The following ERICH3 variants were observed in gnomAD, a reference collection of about 807,000 sequenced individuals.
ERICH3 encodes glutamate-rich protein 3.
In ERICH3, 126 loss-of-function variants were observed where a neutral mutation model predicts 131.1. The observed-to-expected ratio is 0.96, with a 90% CI of 0.83 to 1.11. ERICH3 has a LOEUF of 1.11. ERICH3 is among the 50% of genes most tolerant of loss of function. ERICH3 has a pLI of 0.00. For synonymous variants in ERICH3, 695 were observed against 644.6 expected (o/e 1.08, Z -1.18); for missense variants, 2,050 against 1,810.7 (o/e 1.13, Z -2.40).
chr1:74,606,781 A>T lies in ERICH3; in HGVS notation c.1309T>A (p.Tyr437Asn). ...AEGKVRKERE[Y>N]VIPKRNEIKE... is the part of the protein sequence containing the mutation. ...ATCTCATTTCTTTTTGGTATCACATACTCTCTCTCTTTCCTCACTTTCCCC... is the reference window on the plus strand; with the variant it reads ...ATCTCATTTCTTTTTGGTATCACATTCTCTCTCTCTTTCCTCACTTTCCCC... Residue 437 changes from tyrosine to asparagine, a missense_variant, in exon 10 of 15, where the codon TAT (tyrosine) becomes AAT (asparagine). Physicochemically the swap from Tyr to Asn is moderately radical, Grantham distance 143 (BLOSUM62 -2). Coordinates refer to ENST00000326665, the MANE Select transcript of ERICH3 (RefSeq NM_001002912.5). 6.2e-7 allele frequency: 1 copy of T among 1,612,562 alleles called. No individual in the cohort carries two copies. Among genetic ancestry groups the T allele is most frequent in the Non-Finnish European group, 8.5e-7 (1 of 1,179,374 alleles).
intron 12 of ERICH3, among the ~76,000 whole-genome samples, chr1:74,587,763 A>T (rs2100557827): frequency 6.6e-6 from 1 of 152,302 alleles, no homozygotes; most frequent in Admixed American, 6.5e-5. Context: ...GCTTGTATAC[A>T]TTTTCTAGAT....
In ERICH3 at chr1:74,631,944, A is replaced by G. The variant is rs776707248; in HGVS notation, c.604-16T>C. Reference sequence around the variant, plus strand: ...CCTTCTTGCCCTGTAATCATATTTCATCGCATAAGAACCAGTGAAACAGAA... The same window carrying G: ...CCTTCTTGCCCTGTAATCATATTTCGTCGCATAAGAACCAGTGAAACAGAA... On this transcript the variant is annotated splice_polypyrimidine_tract_variant and intron_variant, in intron 6 of 14. Transcript: ENST00000326665. 2 of 1,600,426 alleles carry G rather than the reference A, an allele frequency of 1.2e-6. No homozygotes were observed. Among genetic ancestry groups the G allele is most frequent in the African/African-American group, 1.3e-5 (1 of 74,624 alleles).
chr1:74,671,677 A>C (rs183367116), intron 1 of ERICH3, among the ~76,000 whole-genome samples: 26 of 152,358 alleles, frequency 1.7e-4, no homozygotes, highest in Admixed American at 1.4e-3. Flanking sequence ...AGATTTAATA[A>C]GGTAGTTCAT....
chr1:74,649,953 A>G (rs1039014011), intron 1 of ERICH3, among the ~76,000 whole-genome samples: 1 of 152,042 alleles, frequency 6.6e-6, no homozygotes, highest in African/African-American at 2.4e-5. Flanking sequence ...ATCTCATCAC[A>G]TAATATGTAA....
intron 1 of ERICH3, among the ~76,000 whole-genome samples, chr1:74,650,455 G>GACAT (rs749495987): frequency 1.3e-5 from 2 of 152,054 alleles, no homozygotes; most frequent in Non-Finnish European, 2.9e-5. Flanking sequence ...TTCATACATA[G>GACAT]ACATATACAT....
chr1:74,572,455 T>G lies in ERICH3; in HGVS notation c.3255A>C (p.Ala1085=), dbSNP rs775022350. The part of the protein sequence containing the change: ...SEREEVTRAN[A]LKDEDAFKEE... ...CTTTAAAAGCATCTTCATCCTTGAG[T>G]GCATTTGCCCTTGTCACCTCTTCTC... is the stretch of plus-strand genomic sequence containing the variant. The change falls in exon 14 of 15, where the codon GCA becomes GCC. Residue 1085 remains alanine (A), a synonymous_variant. Coordinates refer to ENST00000326665, the MANE Select transcript of ERICH3 (RefSeq NM_001002912.5). 17 of 1,614,032 alleles carry G rather than the reference T, an allele frequency of 1.1e-5. No homozygotes were observed. Among genetic ancestry groups the G allele is most frequent in the Admixed American group, 3.3e-5 (2 of 60,004 alleles).
Position 74,636,612 on chromosome 1 carries a change from A to G in ERICH3, c.445-174T>C, listed in dbSNP as rs77849013. Among the ~76,000 whole-genome samples the G allele has an allele frequency of 3.3e-5, 5 of 152,330 alleles. No individual in the cohort carries two copies. In the East Asian group the frequency reaches 7.7e-4, roughly 24 times the overall value. ...ACCCTTATGACCCAAAGTATTTGTT[A>G]AAACATATGGTGTTGAAGTCCTCTA... On this transcript the variant is annotated intron_variant, in intron 5 of 14. Transcript: ENST00000326665.
At position 74,571,406 on chromosome 1, in the gene ERICH3, C is replaced by T; in HGVS notation, c.4304G>A (p.Gly1435Glu). Residue 1435 changes from glycine (G) to glutamate (E), a missense_variant, in exon 14 of 15, where the codon GGA (glycine) becomes GAA (glutamate). Coordinates refer to ENST00000326665, the MANE Select transcript of ERICH3 (RefSeq NM_001002912.5). ...CCCTGAGGTCTTCCGCTCCAGGGCT[C>T]CTGGAGTGCCCACCCCAGCCTCTGT... The part of the protein sequence containing the change: ...YTTEAGVGTP[G>E]ALERKTSGLG... 1.2e-6 allele frequency: 2 copies of T among 1,614,032 alleles called. No homozygotes were observed. Among genetic ancestry groups the T allele is most frequent in the Non-Finnish European group, 1.7e-6 (2 of 1,180,004 alleles).
chr1:74,588,814 TG>T (rs1647454075), intron 12 of ERICH3, among the ~76,000 whole-genome samples: 1 of 152,072 alleles, frequency 6.6e-6, no homozygotes, highest in African/African-American at 2.4e-5. Flanking sequence ...GTCTAAGGTC[TG>T]GGGCCTGATT....
At chr1:74,594,304 G>A (rs553202630) in intron 11 of ERICH3, among the ~76,000 whole-genome samples, 7 of 150,752 alleles carry the variant, frequency 4.6e-5, no homozygotes, top group African/African-American at 1.7e-4. Flanking sequence ...GTGTGTGTGT[G>A]TATGCTTTGT....
At chr1:74,613,762 C>A (rs569150169) in intron 8 of ERICH3, among the ~76,000 whole-genome samples, 1 of 152,124 alleles carries the variant, frequency 6.6e-6, no homozygotes, top group Non-Finnish European at 1.5e-5. Context: ...CCACCCTATC[C>A]CCACAGACGT....
At chr1:74,624,166 C>T (rs1649335081) in intron 7 of ERICH3, 1 of 152,158 alleles carries the variant, frequency 6.6e-6, no homozygotes, top group African/African-American at 2.4e-5. Context: ...TGGTTCTACC[C>T]TATATAGGAA....
Position 74,571,221 on chromosome 1 carries a change from G to C in ERICH3, c.4489C>G (p.Leu1497Val). Reference protein sequence around the residue: ...SPESLQAMATLPVKPDFTETR... With the variant: ...SPESLQAMATVPVKPDFTETR... ...TCAGTGAAATCAGGCTTCACTGGAA[G>C]TGTTGCCATCGCCTGTAGACTCTCC... Residue 1497 changes from leucine to valine, a missense_variant, in exon 14 of 15, where the codon CTT becomes GTT. Coordinates refer to ENST00000326665, the MANE Select transcript of ERICH3 (RefSeq NM_001002912.5). 6.2e-7 allele frequency: 1 copy of C among 1,614,104 alleles called. No homozygotes were observed. Among genetic ancestry groups the C allele is most frequent in the South Asian group, 1.1e-5 (1 of 91,082 alleles).
At position 74,571,591 on chromosome 1, in the gene ERICH3, A is replaced by C. The variant is rs1419419571; in HGVS notation, c.4119T>G (p.Asn1373Lys). 1 of 1,613,562 alleles carries C rather than the reference A, an allele frequency of 6.2e-7. No individual in the cohort carries two copies. The highest frequency in any genetic ancestry group is 1.6e-4 in the Middle Eastern group (1 of 6,062). ...CAACATCTGAAAAGGAGGAGGCTTT[A>C]TTTGCTATTGTTTTCTCCTCGGCTG... ...SETAEEKTIA[N>K]KASSFSDVAE... Residue 1373 changes from asparagine (N) to lysine (K), a missense_variant, in exon 14 of 15, where the codon AAT becomes AAG. Physicochemically the swap from Asn to Lys is moderately conservative, Grantham distance 94. Transcript: ENST00000326665.
chr1:74,574,061 G>C (rs1647009330), intron 13 of ERICH3, among the ~76,000 whole-genome samples: 1 of 151,030 alleles, frequency 6.6e-6, no homozygotes, highest in African/African-American at 2.4e-5. Context: ...TGTGAACGTG[G>C]CCCACTTCAG....
At chr1:74,604,521 A>G (rs888747954) in intron 10 of ERICH3, among the ~76,000 whole-genome samples, 2 of 151,958 alleles carry the variant, frequency 1.3e-5, no homozygotes, top group African/African-American at 4.8e-5. Flanking sequence ...AGCCTTACAA[A>G]ATATATTCCT....
intron 1 of ERICH3, among the ~76,000 whole-genome samples, chr1:74,658,900 C>T (rs1646612476): frequency 6.6e-6 from 1 of 152,190 alleles, no homozygotes; most frequent in Non-Finnish European, 1.5e-5. Flanking sequence ...CACAGAATTT[C>T]TGTTAAGCAT....
rs534949748 is a variant in ERICH3 at position 74,636,389 on chromosome 1, C to T, written c.494G>A (p.Arg165Gln). 40 of 1,612,836 alleles carry T rather than the reference C, an allele frequency of 2.5e-5. No homozygotes were observed. The highest frequency in any genetic ancestry group is 1.7e-4 in the Middle Eastern group (1 of 6,056). ...TAPGNMQPPIRLQPLPSNPAV... is the reference protein window; with the variant it reads ...TAPGNMQPPIQLQPLPSNPAV... ...AGGATTACTGGGAAGAGGCTGTAATCGAATTGGAGGCTGCATATTTCCTGG... is the reference window on the plus strand; with the variant it reads ...AGGATTACTGGGAAGAGGCTGTAATTGAATTGGAGGCTGCATATTTCCTGG... The change falls in exon 6 of 15, where the codon CGA becomes CAA. Residue 165 changes from arginine to glutamine, a missense_variant. Arg to Gln is a conservative substitution (Grantham distance 43). Transcript: ENST00000326665.
At chr1:74,642,400 G>A (rs1022924074) in intron 4 of ERICH3, among the ~76,000 whole-genome samples, 8 of 152,068 alleles carry the variant, frequency 5.3e-5, no homozygotes, top group African/African-American at 1.9e-4. Flanking sequence ...GATTACAAAT[G>A]ACTTAAGAAA....
Sources: allele counts gnomAD v4.1 joint callset (sites outside exome capture counted in the v4.1 genomes callset), GRCh38; gene constraint gnomAD v4.1.1; transcripts MANE v1.5; gene names NCBI Gene and HGNC (gene_info 2026-07-23, HGNC 2026-07-21).